Variants in NCOR2 observed in about 807,000 individuals in gnomAD.
The protein encoded by NCOR2 is CTG repeat protein 26.
In NCOR2, 81 loss-of-function variants were observed where a neutral mutation model predicts 262.9. That is an observed-to-expected ratio of 0.31 (90% CI 0.26 to 0.37). The LOEUF (loss-of-function observed/expected upper bound fraction) is 0.37. Ranked by LOEUF, NCOR2 falls within the 10% of genes least tolerant of loss-of-function variation. NCOR2 has a pLI of 1.00. For synonymous variants in NCOR2, 1,659 were observed against 1,559.3 expected (o/e 1.06, Z -1.51); for missense variants, 3,385 against 3,621.4 (o/e 0.93, Z 1.68).
intron 7 of NCOR2, among the ~76,000 whole-genome samples, chr12:124,446,279 T>C (rs2045166347): frequency 6.6e-6 from 1 of 152,216 alleles, no homozygotes; most frequent in African/African-American, 2.4e-5. Context: ...CATGGTATTC[T>C]CACCCCTACC....
intron 16 of NCOR2, among the ~76,000 whole-genome samples, chr12:124,391,975 G>C (rs1292682176): frequency 6.6e-6 from 1 of 152,250 alleles, no homozygotes; most frequent in Non-Finnish European, 1.5e-5. Flanking sequence ...CAGTGGGCTG[G>C]GTGAGCACTG....
intron 13 of NCOR2, among the ~76,000 whole-genome samples, chr12:124,413,911 G>A (rs909767141): frequency 6.6e-6 from 1 of 152,028 alleles, no homozygotes; most frequent in African/African-American, 2.4e-5. Context: ...GTGGTGGCGG[G>A]GGGTACTGAG....
chr12:124,427,262 G>A (rs528102414), intron 10 of NCOR2, among the ~76,000 whole-genome samples: 6 of 152,262 alleles, frequency 3.9e-5, no homozygotes, highest in South Asian at 2.1e-4. Context: ...TCAGCGCCTC[G>A]CTGGTGGAGA....
Position 124,473,093 on chromosome 12 carries a change from G to C in NCOR2, c.450C>G (p.Pro150=), listed in dbSNP as rs533447003. The change falls in exon 4 of 47, where the codon CCC becomes CCG. Residue 150 remains proline (P), a synonymous_variant. Coordinates refer to ENST00000405201, the Ensembl canonical transcript of NCOR2. ...CAGGGTCAGTGTGCGGGGGGCTGGG[G>C]GGAGACACCGGTTCCAGCTTGCCCG... 4.3e-6 allele frequency: 7 copies of C among 1,614,072 alleles called. No individual in the cohort carries two copies. In the South Asian group the frequency reaches 6.6e-5, roughly 15 times the overall value.
intron 1 of NCOR2, among the ~76,000 whole-genome samples, chr12:124,551,660 C>G (rs1460893658): frequency 1.3e-5 from 2 of 152,224 alleles, no homozygotes; most frequent in East Asian, 1.9e-4. Context: ...TGGTCCTCCT[C>G]GGGGTCTGGG....
At position 124,363,312 on chromosome 12, in the gene NCOR2, A is replaced by G. The variant is rs369138385; in HGVS notation, c.2928+367T>C. Among the ~76,000 whole-genome samples the G allele has an allele frequency of 3.3e-5, 5 of 152,320 alleles. 1 individual carries two copies. The South Asian group carries it at 1.0e-3, about 32-fold the overall frequency. On this transcript the variant is annotated intron_variant, in intron 21 of 46. Coordinates refer to ENST00000405201, the Ensembl canonical transcript of NCOR2. ...GAGAACCTTCCAGGAGGGTGTTCCCAGAGGGCCCCAGGATCAGAACTGGTA... is the reference window on the plus strand; with the variant it reads ...GAGAACCTTCCAGGAGGGTGTTCCCGGAGGGCCCCAGGATCAGAACTGGTA...
rs757845704 is a variant in NCOR2, at chr12:124,337,580, G to A, written c.5688-400C>T. 5.3e-5 allele frequency among the ~76,000 whole-genome samples: 8 copies of A among 152,218 alleles called. No individual in the cohort carries two copies. The East Asian group carries it at 5.8e-4, about 11-fold the overall frequency. ...AGTCAATGAGGTACCAGGAGAGAACGGCAAGGAAGCTGAGGCAGGGCTAGG... is the reference window on the plus strand; with the variant it reads ...AGTCAATGAGGTACCAGGAGAGAACAGCAAGGAAGCTGAGGCAGGGCTAGG... On this transcript the variant is annotated intron_variant, in intron 37 of 46. Transcript: ENST00000405201.
intron 1 of NCOR2, among the ~76,000 whole-genome samples, chr12:124,551,358 C>A (rs1054591140): frequency 6.6e-6 from 1 of 152,202 alleles, no homozygotes; most frequent in Non-Finnish European, 1.5e-5. Context: ...AGGAGAGCAG[C>A]GCGCACAGAT....
chr12:124,428,028 G>GC (rs2043657737), intron 10 of NCOR2, among the ~76,000 whole-genome samples: 2 of 108,268 alleles, frequency 1.8e-5, no homozygotes, highest in Non-Finnish European at 4.5e-5. Flanking sequence ...TCTGATGACT[G>GC]CATTCCCATG....
intron 1 of NCOR2, among the ~76,000 whole-genome samples, chr12:124,511,841 C>G (rs1206679317): frequency 3.3e-5 from 5 of 152,324 alleles, no homozygotes; most frequent in Non-Finnish European, 7.3e-5. Context: ...CAGAGACTGG[C>G]GTCGCCAGCT....
chr12:124,553,767 T>TC, intron 1 of NCOR2, among the ~76,000 whole-genome samples: 1 of 152,058 alleles, frequency 6.6e-6, no homozygotes, highest in East Asian at 1.9e-4. Context: ...CCATAAGAAA[T>TC]CCCCCCACTG....
At chr12:124,552,698 T>G (rs533340212) in intron 1 of NCOR2, among the ~76,000 whole-genome samples, 1 of 152,140 alleles carries the variant, frequency 6.6e-6, no homozygotes, top group African/African-American at 2.4e-5. Context: ...GGAGGTTTTT[T>G]GGTTTTTTGA....
intron 41 of NCOR2, among the ~76,000 whole-genome samples, chr12:124,333,693 C>T (rs1036872749): frequency 3.9e-5 from 6 of 152,028 alleles, no homozygotes; most frequent in African/African-American, 1.4e-4. Context: ...CCTCCTTCAC[C>T]CTGGAGCTCA....
chr12:124,461,662 A>G (rs1307673344), intron 5 of NCOR2, among the ~76,000 whole-genome samples: 3 of 152,212 alleles, frequency 2.0e-5, no homozygotes, highest in Non-Finnish European at 4.4e-5. Flanking sequence ...TGAACACATG[A>G]TGTAACCACA....
At chr12:124,456,118 C>T (rs1013879928) in intron 6 of NCOR2, among the ~76,000 whole-genome samples, 3 of 152,252 alleles carry the variant, frequency 2.0e-5, no homozygotes, top group African/African-American at 7.2e-5. Context: ...TCATGCAATC[C>T]TCCTGCCTTG....
intron 40 of NCOR2, 131 bp downstream of exon 42, chr12:124,335,004 C>T (rs1373145883): frequency 7.2e-7 from 1 of 1,394,296 alleles, no homozygotes; most frequent in East Asian, 2.3e-5. Context: ...CCTGGATCCC[C>T]CCAGCGCCAT....
At chr12:124,348,651 G>A in intron 28 of NCOR2, 2 of 372,882 alleles carry the variant, frequency 5.4e-6, no homozygotes, top group Non-Finnish European at 9.7e-6. Flanking sequence ...ACACCCACGG[G>A]TGCCGACATG....
chr12:124,428,087 G>GTGTGTGTGTGTGTGTGTGTA (rs1382558223), intron 10 of NCOR2, among the ~76,000 whole-genome samples: 1 of 145,278 alleles, frequency 6.9e-6, no homozygotes, highest in Admixed American at 6.9e-5. Flanking sequence ...GTGTGTGTGT[G>GTGTGTGTGTGTGTGTGTGTA]TACATGCAAC....
At chr12:124,475,148 AGG>A (rs903324485) in intron 3 of NCOR2, among the ~76,000 whole-genome samples, 6 of 152,114 alleles carry the variant, frequency 3.9e-5, no homozygotes, top group African/African-American at 1.4e-4. Context: ...CAAGGACAGC[AGG>A]GGCCTGGACA....
Sources: allele counts gnomAD v4.1 joint callset (sites outside exome capture counted in the v4.1 genomes callset), GRCh38; gene constraint gnomAD v4.1.1; transcripts MANE v1.5; gene names NCBI Gene and HGNC (gene_info 2026-07-23, HGNC 2026-07-21).